The following PTPRR variants were observed in gnomAD, a reference collection of about 807,000 sequenced individuals.
PTPRR encodes the protein receptor-type tyrosine-protein phosphatase R.
In PTPRR, 38 loss-of-function variants were observed where a neutral mutation model predicts 77.2. The observed-to-expected ratio is 0.49, with a 90% CI of 0.38 to 0.65. The LOEUF is 0.65. Ranked by LOEUF, PTPRR falls within the 30% of genes least tolerant of loss-of-function variation. The pLI is 0.00. For missense variants in PTPRR, 744 were observed against 799.2 expected (o/e 0.93, Z 0.83); for synonymous variants, 299 against 283.1 (o/e 1.06, Z -0.57).
At chr12:70,790,246 C>T (rs997200722) in intron 2 of PTPRR, among the ~76,000 whole-genome samples, 18 of 152,004 alleles carry the variant, frequency 1.2e-4, no homozygotes, top group African/African-American at 3.6e-4. Flanking sequence ...TTTCTAATAA[C>T]GCTTTCCACC....
intron 2 of PTPRR, among the ~76,000 whole-genome samples, chr12:70,872,703 A>AAAAAAAAAAAC (rs1393191657): frequency 6.7e-6 from 1 of 148,362 alleles, no homozygotes; most frequent in South Asian, 2.1e-4. Flanking sequence ...TCAAAAAAAA[A>AAAAAAAAAAAC]AAAAAAAAAA....
In PTPRR at chr12:70,784,637, C is replaced by T. The variant is rs540214597; in HGVS notation, c.358-19859G>A. Reference sequence around the variant, plus strand: ...GGCAGCAGCCGCACCAGATGGCCGCCGCTGCCATCACTATTAGCTATAAAA... The same window carrying T: ...GGCAGCAGCCGCACCAGATGGCCGCTGCTGCCATCACTATTAGCTATAAAA... On this transcript the variant is annotated intron_variant, in intron 2 of 13. Transcript: ENST00000283228. Among the ~76,000 whole-genome samples, 5 of 152,302 alleles carry T rather than the reference C, an allele frequency of 3.3e-5. No homozygotes were observed. In the South Asian group the frequency reaches 1.0e-3, roughly 32 times the overall value.
chr12:70,913,344 A>G (rs1263095678), intron 1 of PTPRR, among the ~76,000 whole-genome samples: 2 of 152,106 alleles, frequency 1.3e-5, no homozygotes, highest in Non-Finnish European at 2.9e-5. Flanking sequence ...AGAGAAAAGG[A>G]GGGTTGAATA....
intron 2 of PTPRR, among the ~76,000 whole-genome samples, chr12:70,870,453 G>A (rs768380008): frequency 1.3e-5 from 2 of 152,148 alleles, no homozygotes; most frequent in African/African-American, 2.4e-5. Flanking sequence ...CTGCAGATTT[G>A]CTATTATCAC....
chr12:70,913,161 A>G (rs971430852), intron 1 of PTPRR, among the ~76,000 whole-genome samples: 34 of 152,272 alleles, frequency 2.2e-4, no homozygotes, highest in African/African-American at 7.5e-4. Context: ...TAAATAATTC[A>G]CAAAATAGTC....
At chr12:70,707,844 T>A (rs1166317267) in intron 6 of PTPRR, among the ~76,000 whole-genome samples, 1 of 152,076 alleles carries the variant, frequency 6.6e-6, no homozygotes, top group African/African-American at 2.4e-5. Flanking sequence ...TTCAGTAGAT[T>A]TTTTCCAGAT....
intron 2 of PTPRR, among the ~76,000 whole-genome samples, chr12:70,861,324 T>A (rs750269224): frequency 2.0e-5 from 3 of 152,152 alleles, no homozygotes; most frequent in Non-Finnish European, 4.4e-5. Flanking sequence ...AATCATTTCC[T>A]TGCCATGGGT....
At chr12:70,771,033 T>C (rs1262161454) in intron 2 of PTPRR, among the ~76,000 whole-genome samples, 1 of 150,480 alleles carries the variant, frequency 6.6e-6, no homozygotes, top group Non-Finnish European at 1.5e-5. Context: ...AGGTATAGTT[T>C]TAGGAGATAT....
intron 8 of PTPRR, among the ~76,000 whole-genome samples, chr12:70,688,499 T>G (rs1053418697): frequency 6.6e-6 from 1 of 152,130 alleles, no homozygotes; most frequent in Non-Finnish European, 1.5e-5. Context: ...ACAGTATCAC[T>G]TCATACCTGT....
intron 6 of PTPRR, among the ~76,000 whole-genome samples, chr12:70,716,302 AT>A (rs1181046058): frequency 1.3e-5 from 2 of 151,274 alleles, no homozygotes; most frequent in African/African-American, 4.9e-5. Flanking sequence ...ATTGTTAATA[AT>A]TTTCAATTTT....
At chr12:70,813,023 A>C (rs571038342) in intron 2 of PTPRR, among the ~76,000 whole-genome samples, 1 of 152,230 alleles carries the variant, frequency 6.6e-6, no homozygotes, top group Non-Finnish European at 1.5e-5. Flanking sequence ...ACTCTCCGAC[A>C]TAATTTGCTA....
intron 10 of PTPRR, among the ~76,000 whole-genome samples, chr12:70,669,319 C>G (rs1199725867): frequency 1.3e-5 from 2 of 151,988 alleles, no homozygotes; most frequent in African/African-American, 4.8e-5. Context: ...CACATCCACT[C>G]AACCTCCCAA....
At chr12:70,815,748 T>C (rs1891891886) in intron 2 of PTPRR, among the ~76,000 whole-genome samples, 1 of 152,168 alleles carries the variant, frequency 6.6e-6, no homozygotes, top group Non-Finnish European at 1.5e-5. Context: ...TAAGGTCTCA[T>C]TCATTGATTA....
chr12:70,880,961 T>C (rs11178468), intron 2 of PTPRR, among the ~76,000 whole-genome samples: 18,517 of 152,200 alleles, frequency 0.12, 2,086 homozygotes, highest in African/African-American at 0.3. Flanking sequence ...GACATCATCA[T>C]TTGTAATACA....
intron 10 of PTPRR, among the ~76,000 whole-genome samples, chr12:70,673,676 G>A (rs1003047394): frequency 1.3e-5 from 2 of 152,100 alleles, no homozygotes; most frequent in Admixed American, 6.6e-5. Context: ...GGGCATGAAT[G>A]CACTTTGAAA....
chr12:70,825,851 T>C lies in PTPRR; in HGVS notation c.358-61073A>G, dbSNP rs117045971. 3.6e-3 allele frequency among the ~76,000 whole-genome samples: 542 copies of C among 152,294 alleles called. 2 individuals are homozygous for C. The highest frequency in any genetic ancestry group is 5.9e-3 in the Non-Finnish European group (403 of 68,008). ...GGGGGAAGAAGCAATGGATATAAAATAACAACGTAAGGCAAAGTGGCTCCC... is the reference window on the plus strand; with the variant it reads ...GGGGGAAGAAGCAATGGATATAAAACAACAACGTAAGGCAAAGTGGCTCCC... On this transcript the variant is annotated intron_variant, in intron 2 of 13. Coordinates refer to ENST00000283228, the MANE Select transcript of PTPRR (RefSeq NM_002849.4).
At chr12:70,845,939 A>G (rs1265270652) in intron 2 of PTPRR, among the ~76,000 whole-genome samples, 1 of 152,196 alleles carries the variant, frequency 6.6e-6, no homozygotes, top group Non-Finnish European at 1.5e-5. Context: ...GAGTGTTAAC[A>G]TGAATCACAG....
intron 2 of PTPRR, chr12:70,788,995 C>T (rs907959841): frequency 3.5e-5 from 30 of 861,826 alleles, no homozygotes; most frequent in Middle Eastern, 2.3e-4. Flanking sequence ...AGAGACACTG[C>T]GGATCCCAGG....
chr12:70,723,266 T>G (rs1007224993), intron 6 of PTPRR, among the ~76,000 whole-genome samples: 2 of 151,998 alleles, frequency 1.3e-5, no homozygotes, highest in Non-Finnish European at 2.9e-5. Flanking sequence ...ACTTGGAAAT[T>G]AAATCAAGGC....
Sources: allele counts gnomAD v4.1 joint callset (sites outside exome capture counted in the v4.1 genomes callset), GRCh38; gene constraint gnomAD v4.1.1; transcripts MANE v1.5; gene names NCBI Gene and HGNC (gene_info 2026-07-23, HGNC 2026-07-21).